Variants in AOPEP observed in about 807,000 individuals in gnomAD.
The protein encoded by AOPEP is aminopeptidase O.
Under a neutral mutation model 98.1 loss-of-function variants are expected in AOPEP, and 77 were observed. The observed-to-expected ratio is 0.78, with a 90% CI of 0.65 to 0.95. The LOEUF is 0.95. Among genes scored for constraint, AOPEP ranks in the 40% least tolerant of loss-of-function variants. The pLI is 0.00. For missense variants in AOPEP, 1,024 were observed against 1,024.7 expected, an observed-to-expected ratio of 1.00 and a Z score of 0.01; for synonymous variants, 346 against 365.3, an observed-to-expected ratio of 0.95 and a Z score of 0.60.
At chr9:95,063,554 G>A in intron 14 of AOPEP, among the ~76,000 whole-genome samples, 1 of 152,208 alleles carries the variant, frequency 6.6e-6, no homozygotes, top group East Asian at 1.9e-4. Flanking sequence ...CAGGGGATGG[G>A]CTCCCCCTGT....
chr9:95,092,080 GTGCA>G (rs1347587481), downstream of AOPEP, among the ~76,000 whole-genome samples: 610 of 136,010 alleles, frequency 4.5e-3, 6 homozygotes, highest in African/African-American at 0.014. Flanking sequence ...GTGTGTGTGT[GTGCA>G]CACACACACA....
intron 5 of AOPEP, among the ~76,000 whole-genome samples, chr9:94,875,804 C>A (rs1157012865): frequency 6.6e-6 from 1 of 152,242 alleles, no homozygotes; most frequent in Non-Finnish European, 1.5e-5. Context: ...GCACCACTCT[C>A]ATTACAGTTG....
intron 3 of AOPEP, 73 bp from the exon 4 acceptor site, chr9:94,792,692 C>G (rs903360748): frequency 7.4e-7 from 1 of 1,360,226 alleles, no homozygotes; most frequent in Non-Finnish European, 9.8e-7. Flanking sequence ...TCAAGTGCCT[C>G]GAGAAGAAAT....
intron 3 of AOPEP, among the ~76,000 whole-genome samples, chr9:94,791,413 A>T (rs563913029): frequency 1.3e-5 from 2 of 151,972 alleles, no homozygotes; most frequent in Non-Finnish European, 2.9e-5. Flanking sequence ...CAAGCCTGTA[A>T]TTCCAGCACT....
intron 7 of AOPEP, among the ~76,000 whole-genome samples, chr9:94,951,815 G>C (rs1222565609): frequency 6.6e-6 from 1 of 152,204 alleles, no homozygotes; most frequent in Non-Finnish European, 1.5e-5. Context: ...ATGGTTGCAA[G>C]ATGGCCATCA....
chr9:94,917,000 G>A (rs1357849271), intron 5 of AOPEP, among the ~76,000 whole-genome samples: 1 of 152,162 alleles, frequency 6.6e-6, no homozygotes, highest in African/African-American at 2.4e-5. Flanking sequence ...TGATTCTTTA[G>A]CTTTGAAACC....
At position 95,082,897 on chromosome 9, in the gene AOPEP, C is replaced by T. The variant is rs568794345; in HGVS notation, c.*4+178C>T. On this transcript the variant is annotated intron_variant, in intron 16 of 16. Transcript: ENST00000375315. The stretch of plus-strand genomic sequence containing the variant: ...TGGGTGCTGGGCTGGTATGGGAGCC[C>T]CGGGTCCCTGGAGCACCTTGCCTGG... 16 of 658,460 alleles carry T rather than the reference C, an allele frequency of 2.4e-5. No homozygotes were observed. The South Asian group carries it at 2.8e-4, about 12-fold the overall frequency. The allele number at this position is 658,460 out of a possible 1,614,324, so 40.8% of individuals were successfully genotyped here.
chr9:94,762,378 C>T (rs992891394), intron 2 of AOPEP, among the ~76,000 whole-genome samples: 1 of 151,226 alleles, frequency 6.6e-6, no homozygotes, highest in Admixed American at 6.6e-5. Flanking sequence ...ACCCGGGAGG[C>T]AGAGCTTGCA....
At chr9:94,869,407 G>A (rs534037297) in intron 5 of AOPEP, among the ~76,000 whole-genome samples, 1 of 152,260 alleles carries the variant, frequency 6.6e-6, no homozygotes. Context: ...TAGCTTGGGT[G>A]GGGTGCATGT....
intron 1 of AOPEP, among the ~76,000 whole-genome samples, chr9:94,744,167 C>T (rs975430716): frequency 9.3e-5 from 14 of 150,686 alleles, no homozygotes; most frequent in South Asian, 2.1e-4. Context: ...CTGAGGCGGG[C>T]GGATCACGAG....
the AOPEP span, chr9:95,107,411 T>C: frequency 1.2e-6 from 1 of 842,550 alleles, no homozygotes; most frequent in Non-Finnish European, 1.9e-6. Flanking sequence ...AGCGGCCGAA[T>C]TTACACTCGA....
intron 13 of AOPEP, among the ~76,000 whole-genome samples, chr9:95,038,391 A>C (rs1475594181): frequency 1.3e-5 from 2 of 152,278 alleles, no homozygotes; most frequent in African/African-American, 4.8e-5. Flanking sequence ...ACACATTTTA[A>C]ATCTGAATAT....
intron 10 of AOPEP, among the ~76,000 whole-genome samples, chr9:94,973,977 G>A (rs552745704): frequency 6.6e-5 from 10 of 152,198 alleles, no homozygotes; most frequent in African/African-American, 2.4e-4. Flanking sequence ...TCCAATCCCA[G>A]ACCTAAAAAT....
intron 5 of AOPEP, among the ~76,000 whole-genome samples, chr9:94,860,203 A>G (rs1209922602): frequency 6.6e-6 from 1 of 152,202 alleles, no homozygotes; most frequent in African/African-American, 2.4e-5. Context: ...ACAGGAGGAC[A>G]GGCTGTGATT....
At chr9:94,932,142 A>T in intron 7 of AOPEP, 1 of 1,005,822 alleles carries the variant, frequency 9.9e-7, no homozygotes, top group Non-Finnish European at 1.2e-6. Context: ...TAAAACAAAT[A>T]AAAAAACAAA....
intron 5 of AOPEP, among the ~76,000 whole-genome samples, chr9:94,821,971 A>ACG (rs1491335205): frequency 3.4e-4 from 3 of 8,742 alleles, no homozygotes; most frequent in Non-Finnish European, 7.8e-4. Flanking sequence ...GTGTGTGTAA[A>ACG]CACACACACA....
At chr9:95,081,660 G>C (rs1178682248) in intron 15 of AOPEP, among the ~76,000 whole-genome samples, 2 of 152,188 alleles carry the variant, frequency 1.3e-5, no homozygotes, top group African/African-American at 4.8e-5. Flanking sequence ...AAACATACAG[G>C]AGTATAAGAA....
chr9:94,760,189 A>G lies in AOPEP; in HGVS notation c.406A>G (p.Asn136Asp). Residue 136 changes from asparagine (N) to aspartate (D), a missense_variant, in exon 2 of 17, where the codon AAT becomes GAT. By Grantham distance (23) the Asn-to-Asp change is conservative. Around this residue, in one of 3 missense-constraint regions of AOPEP, gnomAD observed 440 missense variants for 433.8 expected, o/e 1.01. Coordinates refer to ENST00000375315, the MANE Select transcript of AOPEP (RefSeq NM_001193329.3). ...CTCAAAGTACTGCTGTGACACAGGGAATCATGGGAGTGAGGATTTTTTGCT... is the reference window on the plus strand; with the variant it reads ...CTCAAAGTACTGCTGTGACACAGGGGATCATGGGAGTGAGGATTTTTTGCT... Reference protein sequence around the residue: ...SSSKYCCDTGNHGSEDFLLVL... With the variant: ...SSSKYCCDTGDHGSEDFLLVL... The G allele has an allele frequency of 6.2e-7, 1 of 1,614,196 alleles. No homozygotes were observed. The highest frequency in any genetic ancestry group is 8.5e-7 in the Non-Finnish European group (1 of 1,180,036).
intron 10 of AOPEP, among the ~76,000 whole-genome samples, chr9:94,968,803 C>T (rs941769448): frequency 3.9e-5 from 6 of 151,976 alleles, no homozygotes; most frequent in African/African-American, 9.7e-5. Flanking sequence ...AAATTATAAT[C>T]CTCTGTGTAT....
Sources: allele counts gnomAD v4.1 joint callset (sites outside exome capture counted in the v4.1 genomes callset), GRCh38; gene constraint gnomAD v4.1.1; regional missense constraint gnomAD v4.1.1; transcripts MANE v1.5; gene names NCBI Gene and HGNC (gene_info 2026-07-23, HGNC 2026-07-21).